NETO1: variants seen among roughly 807,000 people sequenced by gnomAD.
NETO1 encodes the protein neuropilin and tolloid like 1, also known as neuropilin and tolloid-like protein 1.
A neutral mutation model predicts 61.3 loss-of-function variants in NETO1; 26 were observed. The ratio of observed to expected loss-of-function variants is 0.42; its 90% CI spans 0.31 to 0.59. The LOEUF (loss-of-function observed/expected upper bound fraction) is 0.59, where lower values mean the gene tolerates loss of function less well. Among genes scored for constraint, NETO1 ranks in the 20% least tolerant of loss-of-function variants. The probability of loss-of-function intolerance (pLI) is 0.12; values close to 1 mark genes in which losing one functional copy is unlikely to be tolerated. For missense variants in NETO1, 531 were observed against 662.8 expected (o/e 0.80, Z 2.18); for synonymous variants, 225 against 225.8 (o/e 1.00, Z 0.03).
chr18:72,849,846 T>C (rs1473336893), intron 4 of NETO1, among the ~76,000 whole-genome samples: 1 of 152,182 alleles, frequency 6.6e-6, no homozygotes, highest in Non-Finnish European at 1.5e-5. Context: ...GTCTTTTCCG[T>C]TCTAGAAGCT....
intron 9 of NETO1, among the ~76,000 whole-genome samples, 195 bp downstream of exon 9, chr18:72,749,867 G>A (rs572490295): frequency 1.1e-4 from 16 of 152,152 alleles, no homozygotes; most frequent in African/African-American, 3.4e-4. Flanking sequence ...CATACATATC[G>A]TGCACATGTA....
rs1286316019 is a variant in NETO1 at position 72,867,871 on chromosome 18, T to C, written c.-580A>G. 1 of 152,044 alleles carries C rather than the reference T, an allele frequency of 6.6e-6. No homozygotes were observed. The highest frequency in any genetic ancestry group is 2.0e-4 in the East Asian group (1 of 5,122). The allele number at this position is 152,044 out of a possible 1,614,324, so 9.4% of individuals were successfully genotyped here. A position where few individuals can be genotyped will look rare whatever the true frequency, so the allele number is the denominator to read the frequency against. ...TCGGAGCAGCCTCCCCGGGAGGATG[T>C]CCAGCGGCAGCGCTCCTCGCTCCAG... On this transcript the variant is annotated 5_prime_UTR_variant, in exon 1 of 11. Coordinates refer to ENST00000327305, the MANE Select transcript of NETO1 (RefSeq NM_138966.5).
chr18:72,789,212 A>G lies in NETO1; in HGVS notation c.639+4905T>C, dbSNP rs1293314646. The stretch of plus-strand genomic sequence containing the variant: ...CTTTATAAAATATTAACACACAAGC[A>G]CACACACACACACACACACACACAC... On this transcript the variant is annotated intron_variant, in intron 6 of 10. Coordinates refer to ENST00000327305, the MANE Select transcript of NETO1 (RefSeq NM_138966.5). Among the ~76,000 whole-genome samples, 174 of 77,022 alleles carry G rather than the reference A, an allele frequency of 2.3e-3. 1 individual carries two copies. The highest frequency in any genetic ancestry group is 7.4e-3 in the African/African-American group (159 of 21,402). 50.5% of individuals were successfully genotyped at this position (77,022 alleles called of 152,430 possible).
chr18:72,772,284 A>G (rs2071377527), intron 7 of NETO1, among the ~76,000 whole-genome samples: 1 of 152,132 alleles, frequency 6.6e-6, no homozygotes. Flanking sequence ...CCACTAGGAT[A>G]GTTTCCTGTT....
chr18:72,861,891 C>T (rs1189033524), intron 3 of NETO1, among the ~76,000 whole-genome samples: 1 of 152,186 alleles, frequency 6.6e-6, no homozygotes, highest in African/African-American at 2.4e-5. Flanking sequence ...CTAACAAACT[C>T]TTAATTGCTT....
chr18:72,774,759 G>T (rs2071487926), intron 7 of NETO1, among the ~76,000 whole-genome samples: 2 of 152,148 alleles, frequency 1.3e-5, no homozygotes, highest in African/African-American at 4.8e-5. Flanking sequence ...CTTTCTTAAA[G>T]AATATATGCT....
At chr18:72,802,655 C>G (rs1187635805) in intron 4 of NETO1, among the ~76,000 whole-genome samples, 1 of 152,134 alleles carries the variant, frequency 6.6e-6, no homozygotes, top group Admixed American at 6.5e-5. Context: ...ACTGGGACAT[C>G]TGGATTGATT....
intron 6 of NETO1, among the ~76,000 whole-genome samples, chr18:72,790,994 CAG>C (rs1170176863): frequency 6.6e-6 from 1 of 152,054 alleles, no homozygotes; most frequent in Non-Finnish European, 1.5e-5. Flanking sequence ...AGTATTTGCT[CAG>C]AGAGGCATAT....
intron 7 of NETO1, among the ~76,000 whole-genome samples, chr18:72,769,886 T>C (rs578185404): frequency 1.3e-5 from 2 of 152,256 alleles, no homozygotes; most frequent in African/African-American, 4.8e-5. Context: ...TCCATGCTTA[T>C]AAATATGGAC....
chr18:72,835,818 A>G (rs17795324), intron 4 of NETO1, among the ~76,000 whole-genome samples: 31,899 of 152,206 alleles, frequency 0.21, 3,683 homozygotes, highest in Middle Eastern at 0.28. Flanking sequence ...TGTCGACACT[A>G]TAACTAATGT....
Position 72,842,808 on chromosome 18 carries a change from T to C in NETO1, c.469+16018A>G, listed in dbSNP as rs183784492. Among the ~76,000 whole-genome samples the C allele has an allele frequency of 8.9e-4, 136 of 152,292 alleles. 1 individual carries two copies. Among genetic ancestry groups the C allele is most frequent in the African/African-American group, 3.1e-3 (130 of 41,572 alleles). On this transcript the variant is annotated intron_variant, in intron 4 of 10. Transcript: ENST00000327305. The stretch of plus-strand genomic sequence containing the variant: ...GGATGGCAATAATACGTCATAGGTA[T>C]AGCACACCTCATAGGTATAGCATAC...
chr18:72,857,764 T>C (rs1434020327), intron 4 of NETO1, among the ~76,000 whole-genome samples: 5 of 152,170 alleles, frequency 3.3e-5, no homozygotes, highest in South Asian at 4.1e-4. Context: ...CAAAGCATAA[T>C]TAAAACCACA....
At chr18:72,834,687 G>C (rs1164820050) in intron 4 of NETO1, 1 of 984,626 alleles carries the variant, frequency 1.0e-6, no homozygotes, top group Non-Finnish European at 1.2e-6. Flanking sequence ...ACTTTCTCTC[G>C]GAATGGGCGA....
At position 72,795,248 on chromosome 18, in the gene NETO1, A is replaced by G. The variant is rs377313006; in HGVS notation, c.470-844T>C. ...AAATATAAAGATGAGCCTTTTAGAG[A>G]GCTTCTGAGAAAGTTTTCCTCGTAA... On this transcript the variant is annotated intron_variant, in intron 4 of 10. Transcript: ENST00000327305. Among the ~76,000 whole-genome samples the G allele has an allele frequency of 1.1e-4, 17 of 152,280 alleles. No individual in the cohort carries two copies. The East Asian group carries it at 3.1e-3, about 28-fold the overall frequency.
At chr18:72,750,033 T>C (rs748386537) in intron 9 of NETO1, 29 bp downstream of exon 9, 12 of 1,487,556 alleles carry the variant, frequency 8.1e-6, no homozygotes, top group Non-Finnish European at 1.1e-5. Flanking sequence ...CAGGTTATAG[T>C]TGTCATCAAA....
At chr18:72,767,905 T>C (rs886737848) in intron 7 of NETO1, among the ~76,000 whole-genome samples, 1 of 152,234 alleles carries the variant, frequency 6.6e-6, no homozygotes, top group African/African-American at 2.4e-5. Flanking sequence ...CACTAACGGA[T>C]ACAATACTAG....
intron 4 of NETO1, among the ~76,000 whole-genome samples, chr18:72,802,238 A>G (rs72966383): frequency 0.025 from 3,817 of 152,240 alleles, 54 homozygotes; most frequent in African/African-American, 0.038. Flanking sequence ...CAAACTCAAA[A>G]TAGTGAACTC....
chr18:72,800,969 C>T (rs1348430571), intron 4 of NETO1, among the ~76,000 whole-genome samples: 2 of 152,142 alleles, frequency 1.3e-5, no homozygotes, highest in African/African-American at 4.8e-5. Flanking sequence ...TTTAACAAAC[C>T]TGTCTTTCTT....
chr18:72,788,402 G>A (rs1564785), intron 6 of NETO1, among the ~76,000 whole-genome samples: 5,202 of 152,050 alleles, frequency 0.034, 117 homozygotes, highest in African/African-American at 0.058. Flanking sequence ...ACGTGATCAC[G>A]CTTTCCCATA....
Sources: gnomAD v4.1 joint callset for allele counts (sites outside exome capture counted in the v4.1 genomes callset) on GRCh38, gnomAD v4.1.1 for gene constraint, MANE v1.5 for transcripts, NCBI Gene and HGNC (gene_info 2026-07-23, HGNC 2026-07-21) for gene names.